The following WDR25 variants were observed in gnomAD, a reference collection of about 807,000 sequenced individuals.
WDR25 encodes WD repeat domain 25.
WDR25 carries 35 observed loss-of-function variants against 47.7 expected under a neutral mutation model. The ratio of observed to expected loss-of-function variants is 0.73; its 90% CI spans 0.56 to 0.97. The LOEUF is 0.97. Among genes scored for constraint, WDR25 ranks in the 50% least tolerant of loss-of-function variants. WDR25 has a pLI of 0.00. For synonymous variants in WDR25, 248 were observed against 278.9 expected (o/e 0.89, Z 1.10); for missense variants, 634 against 704.7 (o/e 0.90, Z 1.14).
intron 4 of WDR25, among the ~76,000 whole-genome samples, chr14:100,515,804 T>A (rs886777362): frequency 2.3e-4 from 34 of 149,538 alleles, no homozygotes; most frequent in African/African-American, 8.3e-4. Context: ...TTTTTTTTTT[T>A]TTTTTGTATT....
chr14:100,517,581 C>T (rs1370340113), intron 4 of WDR25, among the ~76,000 whole-genome samples: 1 of 152,146 alleles, frequency 6.6e-6, no homozygotes, highest in Non-Finnish European at 1.5e-5. Context: ...TGGTGGCTCA[C>T]GCCTGTAATC....
chr14:100,524,921 G>A (rs1284512664), intron 4 of WDR25, among the ~76,000 whole-genome samples: 1 of 152,186 alleles, frequency 6.6e-6, no homozygotes, highest in Non-Finnish European at 1.5e-5. Context: ...CAGAAAATAT[G>A]TCTGCAAAAT....
At chr14:100,494,083 G>A (rs1254895306) in intron 4 of WDR25, among the ~76,000 whole-genome samples, 2 of 152,210 alleles carry the variant, frequency 1.3e-5, no homozygotes, top group Non-Finnish European at 2.9e-5. Flanking sequence ...TTTGGAGACA[G>A]GGTCTCACAC....
At chr14:100,423,273 G>T (rs1898076923) in intron 2 of WDR25, among the ~76,000 whole-genome samples, 1 of 152,056 alleles carries the variant, frequency 6.6e-6, no homozygotes, top group Non-Finnish European at 1.5e-5. Flanking sequence ...GATCTCCCCT[G>T]TTATAATAGC....
At chr14:100,432,624 A>G (rs1444448236) in intron 2 of WDR25, among the ~76,000 whole-genome samples, 1 of 152,224 alleles carries the variant, frequency 6.6e-6, no homozygotes, top group African/African-American at 2.4e-5. Context: ...ATATATACAT[A>G]TTTTTTGGTA....
rs537863034 is a variant in WDR25, at chr14:100,428,043, G to A, written c.823-39978G>A. On this transcript the variant is annotated intron_variant, in intron 2 of 6. Transcript: ENST00000402312. The surrounding 1 kb of genome is among the most constrained non-coding windows in gnomAD (Gnocchi z 4.3). ...CCTTTTCCTCCTGAGACCCTAACACGCTCCCTTTCCTTTCCTTTTTGAGGG... is the reference window on the plus strand; with the variant it reads ...CCTTTTCCTCCTGAGACCCTAACACACTCCCTTTCCTTTCCTTTTTGAGGG... Among the ~76,000 whole-genome samples, 3 of 152,332 alleles carry A rather than the reference G, an allele frequency of 2.0e-5. No homozygotes were observed. Among genetic ancestry groups the A allele is most frequent in the South Asian group, 2.1e-4 (1 of 4,824 alleles).
intron 2 of WDR25, among the ~76,000 whole-genome samples, chr14:100,416,934 A>T (rs539856779): frequency 6.6e-6 from 1 of 152,342 alleles, no homozygotes; most frequent in South Asian, 2.1e-4. Context: ...TTTCCCAGGG[A>T]GAGTCACCCT....
In WDR25 at chr14:100,468,740, A is replaced by G. The variant is rs1169928486; in HGVS notation, c.970+572A>G. Among the ~76,000 whole-genome samples, 4 of 152,050 alleles carry G rather than the reference A, an allele frequency of 2.6e-5. No homozygotes were observed. Among genetic ancestry groups the G allele is most frequent in the Non-Finnish European group, 5.9e-5 (4 of 68,000 alleles). On this transcript the variant is annotated intron_variant, in intron 3 of 6. Coordinates refer to ENST00000402312, the MANE Select transcript of WDR25 (RefSeq NM_001161476.3). The surrounding 1 kb of genome is among the most constrained non-coding windows in gnomAD (Gnocchi z 4.5). ...TTTCCTTACTCAGCGCTCCTGTGCAACAGGCACTGTCAATACCCACCGCAG... is the reference window on the plus strand; with the variant it reads ...TTTCCTTACTCAGCGCTCCTGTGCAGCAGGCACTGTCAATACCCACCGCAG...
Position 100,529,733 on chromosome 14 carries a change from G to A in WDR25, c.1414-87G>A, listed in dbSNP as rs1211184615. On this transcript the variant is annotated intron_variant, in intron 6 of 6. Coordinates refer to ENST00000402312, the MANE Select transcript of WDR25 (RefSeq NM_001161476.3). The surrounding 1 kb of genome is among the most constrained non-coding windows in gnomAD (Gnocchi z 5.1). Reference sequence around the variant, plus strand: ...GCCCAGCTCTGCTCCGTCAGCTCGGGGCTTCAGCCTGCTCCTCTGTAGAAT... The same window carrying A: ...GCCCAGCTCTGCTCCGTCAGCTCGGAGCTTCAGCCTGCTCCTCTGTAGAAT... 2.1e-6 allele frequency: 3 copies of A among 1,434,686 alleles called. No homozygotes were observed. Among genetic ancestry groups the A allele is most frequent in the African/African-American group, 1.4e-5 (1 of 71,482 alleles). The allele number at this position is 1,434,686 out of a possible 1,614,324, so 88.9% of individuals were successfully genotyped here. A position where few individuals can be genotyped will look rare whatever the true frequency, so the allele number is the denominator to read the frequency against.
At chr14:100,478,081 ACT>A (rs1448551668) in intron 3 of WDR25, among the ~76,000 whole-genome samples, 2 of 149,672 alleles carry the variant, frequency 1.3e-5, no homozygotes, top group Non-Finnish European at 3.0e-5. Context: ...ACAGAGCGAG[ACT>A]CTGTCTCAAA....
intron 2 of WDR25, among the ~76,000 whole-genome samples, chr14:100,403,330 C>T (rs1486933284): frequency 6.6e-6 from 1 of 152,194 alleles, no homozygotes; most frequent in African/African-American, 2.4e-5. Context: ...ATTAGAATGA[C>T]CTGGCTGCCT....
intron 2 of WDR25, among the ~76,000 whole-genome samples, chr14:100,418,376 G>A (rs1897928645): frequency 6.7e-6 from 1 of 150,168 alleles, no homozygotes; most frequent in South Asian, 2.2e-4. Flanking sequence ...GCTCATGCCT[G>A]TAATCCCAGC....
rs559488785 is a variant in WDR25, at chr14:100,468,111, C to T, written c.913C>T (p.Arg305Trp). 50 of 1,613,506 alleles carry T rather than the reference C, an allele frequency of 3.1e-5. No individual in the cohort carries two copies. The highest frequency in any genetic ancestry group is 2.1e-4 in the African/African-American group (16 of 75,020). Residue 305 changes from arginine to tryptophan, a missense_variant, in exon 3 of 7, where the codon CGG (arginine) becomes TGG (tryptophan). Arg to Trp is a moderately radical substitution (Grantham distance 101). Coordinates refer to ENST00000402312, the MANE Select transcript of WDR25 (RefSeq NM_001161476.3). The surrounding 1 kb of genome is among the most constrained non-coding windows in gnomAD (Gnocchi z 4.5). ...VRAARWAPCG[R>W]RILSGGFDFA... Reference sequence around the variant, plus strand: ...GGCCGCCCGGTGGGCTCCCTGTGGCCGGCGCATCCTCAGTGGTGGCTTTGA... The same window carrying T: ...GGCCGCCCGGTGGGCTCCCTGTGGCTGGCGCATCCTCAGTGGTGGCTTTGA...
At chr14:100,473,915 C>T (rs77891495) in intron 3 of WDR25, among the ~76,000 whole-genome samples, 1,558 of 152,308 alleles carry the variant, frequency 0.01, 35 homozygotes, top group African/African-American at 0.036. Flanking sequence ...TGCCCACAGA[C>T]CCAAAGGAAG....
chr14:100,384,368 T>C (rs1407921380), intron 2 of WDR25, among the ~76,000 whole-genome samples: 1 of 152,204 alleles, frequency 6.6e-6, no homozygotes, highest in Non-Finnish European at 1.5e-5. Context: ...AACTTTTCAG[T>C]GTGAAGAGTG....
rs911569605 is a variant in WDR25, at chr14:100,506,235, G to A, written c.1102-19635G>A. On this transcript the variant is annotated intron_variant, in intron 4 of 6. Coordinates refer to ENST00000402312, the MANE Select transcript of WDR25 (RefSeq NM_001161476.3). This position sits in a 1 kb window ranked among gnomAD's most constrained non-coding sequence, Gnocchi z 4.8. The stretch of plus-strand genomic sequence containing the variant: ...CCAACTTCATCCGTGTTGCTGCAAA[G>A]GACATGATTTCATCCTTTTTTATGG... Among the ~76,000 whole-genome samples the A allele has an allele frequency of 1.3e-4, 20 of 152,310 alleles. 1 individual carries two copies. The highest frequency in any genetic ancestry group is 4.8e-4 in the African/African-American group (20 of 41,562).
chr14:100,388,689 T>TA (rs1455833475), intron 2 of WDR25, among the ~76,000 whole-genome samples: 1 of 152,238 alleles, frequency 6.6e-6, no homozygotes, highest in Non-Finnish European at 1.5e-5. Context: ...CCAGTTGCCT[T>TA]ACAATCTTGT....
At chr14:100,452,456 G>GC (rs1899067058) in intron 2 of WDR25, among the ~76,000 whole-genome samples, 1 of 152,242 alleles carries the variant, frequency 6.6e-6, no homozygotes, top group Non-Finnish European at 1.5e-5. Flanking sequence ...ATGAAGGGGA[G>GC]TGATGAGAGC....
chr14:100,492,612 T>C (rs1900603160), intron 4 of WDR25, among the ~76,000 whole-genome samples: 1 of 152,202 alleles, frequency 6.6e-6, no homozygotes, highest in Non-Finnish European at 1.5e-5. Flanking sequence ...TCTTCTATAA[T>C]ACATATTGCC....
Sources: gnomAD v4.1 joint callset for allele counts (sites outside exome capture counted in the v4.1 genomes callset) on GRCh38, gnomAD v4.1.1 for gene constraint, Gnocchi (gnomAD v3.1) non-coding constraint, MANE v1.5 for transcripts, NCBI Gene and HGNC (gene_info 2026-07-23, HGNC 2026-07-21) for gene names.